GRID2IP: variants seen among roughly 807,000 people sequenced by gnomAD.
The protein encoded by GRID2IP is delphilin.
A neutral mutation model predicts 114.3 loss-of-function variants in GRID2IP; 78 were observed. That is an observed-to-expected ratio of 0.68 (90% confidence interval 0.57 to 0.82). The LOEUF is 0.82. Ranked by LOEUF, GRID2IP falls within the 40% of genes least tolerant of loss-of-function variation. The probability of loss-of-function intolerance (pLI) is 0.00; values close to 1 mark genes in which losing one functional copy is unlikely to be tolerated. For missense variants in GRID2IP, 1,727 were observed against 1,678.5 expected (o/e 1.03, Z -0.51); for synonymous variants, 809 against 724.0 (o/e 1.12, Z -1.89).
Position 6,505,857 on chromosome 7 carries a change from G to A in GRID2IP, c.2595C>T (p.Leu865=), listed in dbSNP as rs942496143. ...YDKLSDMVKY[L]DLELHFGTQK... is the part of the protein sequence containing the mutation. ...GGGTGCCGAAGTGGAGCTCCAGGTCGAGGTATTTCACCATGTCACTCAGCT... is the reference window on the plus strand; with the variant it reads ...GGGTGCCGAAGTGGAGCTCCAGGTCAAGGTATTTCACCATGTCACTCAGCT... Residue 865 remains leucine, a synonymous_variant, in exon 14 of 22, where the codon CTC becomes CTT. Coordinates refer to ENST00000457091, the MANE Select transcript of GRID2IP (RefSeq NM_001145118.2). 3.2e-6 allele frequency: 5 copies of A among 1,551,988 alleles called. No homozygotes were observed. The South Asian group carries it at 4.8e-5, about 15-fold the overall frequency.
chr7:6,521,825 G>T lies in GRID2IP; in HGVS notation c.989+63C>A. ...CACAGCCTGGGTGCCCCAAGAGGCAGGAGTCTTGCAGGGGGTGGGGGCAGC... is the reference window on the plus strand; with the variant it reads ...CACAGCCTGGGTGCCCCAAGAGGCATGAGTCTTGCAGGGGGTGGGGGCAGC... On this transcript the variant is annotated intron_variant, in intron 5 of 21. Transcript: ENST00000457091. This position sits in a 1 kb window ranked among gnomAD's most constrained non-coding sequence, Gnocchi z 4.1. 8.0e-7 allele frequency: 1 copy of T among 1,256,056 alleles called. No homozygotes were observed. Among genetic ancestry groups the T allele is most frequent in the South Asian group, 1.3e-5 (1 of 77,366 alleles). 77.8% of individuals were successfully genotyped at this position (1,256,056 alleles called of 1,614,324 possible).
At chr7:6,535,076 G>C (rs1356217109) in intron 2 of GRID2IP, among the ~76,000 whole-genome samples, 1 of 152,174 alleles carries the variant, frequency 6.6e-6, no homozygotes, top group Non-Finnish European at 1.5e-5. Flanking sequence ...GTAGTGACAG[G>C]GTTTCTCCAT....
intron 1 of GRID2IP, among the ~76,000 whole-genome samples, chr7:6,543,958 G>A (rs1436694425): frequency 2.0e-5 from 3 of 151,656 alleles, no homozygotes; most frequent in African/African-American, 7.3e-5. Flanking sequence ...CACCACGCCC[G>A]GCTCATTTTG....
At chr7:6,525,860 G>A (rs1466073020) in intron 4 of GRID2IP, among the ~76,000 whole-genome samples, 1 of 152,152 alleles carries the variant, frequency 6.6e-6, no homozygotes, top group African/African-American at 2.4e-5. Flanking sequence ...GTAGGCAGCA[G>A]CTCAGTCCTG....
intron 1 of GRID2IP, among the ~76,000 whole-genome samples, chr7:6,541,760 G>C (rs1779818350): frequency 6.6e-6 from 1 of 152,148 alleles, no homozygotes; most frequent in Non-Finnish European, 1.5e-5. Context: ...GTTTCTGGAA[G>C]GCAGGTTGTT....
At position 6,523,362 on chromosome 7, in the gene GRID2IP, C is replaced by T. The variant is rs1779449366; in HGVS notation, c.920-1405G>A. On this transcript the variant is annotated intron_variant, in intron 4 of 21. Transcript: ENST00000457091. The surrounding 1 kb of genome is among the most constrained non-coding windows in gnomAD (Gnocchi z 4.5). ...TGGCCTGCCTGGAATGGTGGGACAG[C>T]TAGAGAGGTTGTCGCAGGGGATCAA... Among the ~76,000 whole-genome samples the T allele has an allele frequency of 6.6e-6, 1 of 151,968 alleles. No homozygotes were observed. Among genetic ancestry groups the T allele is most frequent in the Admixed American group, 6.6e-5 (1 of 15,232 alleles).
intron 20 of GRID2IP, among the ~76,000 whole-genome samples, chr7:6,498,484 C>T (rs1251320858): frequency 6.6e-6 from 1 of 152,082 alleles, no homozygotes; most frequent in East Asian, 1.9e-4. Context: ...AGGGCCAGGC[C>T]CTGGGTCTCT....
chr7:6,531,001 C>T, intron 2 of GRID2IP: 1 of 634,288 alleles, frequency 1.6e-6, no homozygotes, highest in Non-Finnish European at 2.8e-6. Context: ...TCAGACCAGC[C>T]CGAGGCGGAT....
chr7:6,502,353 T>G (rs1048259903), intron 18 of GRID2IP, among the ~76,000 whole-genome samples: 1 of 152,132 alleles, frequency 6.6e-6, no homozygotes, highest in Non-Finnish European at 1.5e-5. Flanking sequence ...GTCTCCCAAG[T>G]AGCTTGGACT....
Position 6,519,609 on chromosome 7 carries a change from T to C in GRID2IP, c.1268+969A>G, listed in dbSNP as rs946228951. On this transcript the variant is annotated intron_variant, in intron 7 of 21. Coordinates refer to ENST00000457091, the MANE Select transcript of GRID2IP (RefSeq NM_001145118.2). This position sits in a 1 kb window ranked among gnomAD's most constrained non-coding sequence, Gnocchi z 4.1. Reference sequence around the variant, plus strand: ...CCTATCTCTACTAAAAGTACAAAATTAGCCAGGCGTGGTGGCATATGCCTG... The same window carrying C: ...CCTATCTCTACTAAAAGTACAAAATCAGCCAGGCGTGGTGGCATATGCCTG... Among the ~76,000 whole-genome samples, 1 of 151,626 alleles carries C rather than the reference T, an allele frequency of 6.6e-6. No homozygotes were observed. Among genetic ancestry groups the C allele is most frequent in the African/African-American group, 2.4e-5 (1 of 41,266 alleles).
Position 6,503,083 on chromosome 7 carries a change from G to C in GRID2IP, c.2988C>G (p.Ile996Met). The C allele has an allele frequency of 1.3e-6, 2 of 1,551,468 alleles. No homozygotes were observed. The highest frequency in any genetic ancestry group is 8.7e-7 in the Non-Finnish European group (1 of 1,146,892). ...GGCGCAAGCATTCAAGGCTGCCTCGGATCTCCTCTGTCTTCTCCTGGAGGG... is the reference window on the plus strand; with the variant it reads ...GGCGCAAGCATTCAAGGCTGCCTCGCATCTCCTCTGTCTTCTCCTGGAGGG... The part of the protein sequence containing the change: ...QATLQEKTEE[I>M]RGSLECLRQA... The change falls in exon 17 of 22, where the codon ATC becomes ATG. Residue 996 changes from isoleucine (I) to methionine (M), a missense_variant. Physicochemically the swap from Ile to Met is conservative, Grantham distance 10. Transcript: ENST00000457091.
At position 6,521,590 on chromosome 7, in the gene GRID2IP, C is replaced by G; in HGVS notation, c.990-67G>C. ...GCCCTGTCCACGGCCACCAGCCAGA[C>G]CTCCCTGTCCTGCCCACAGAGGTCA... On this transcript the variant is annotated intron_variant, in intron 5 of 21. Coordinates refer to ENST00000457091, the MANE Select transcript of GRID2IP (RefSeq NM_001145118.2). The surrounding 1 kb of genome is among the most constrained non-coding windows in gnomAD (Gnocchi z 4.1). 8.7e-7 allele frequency: 1 copy of G among 1,151,188 alleles called. No homozygotes were observed. Among genetic ancestry groups the G allele is most frequent in the South Asian group, 1.5e-5 (1 of 65,388 alleles). 71.3% of individuals were successfully genotyped at this position (1,151,188 alleles called of 1,614,324 possible).
chr7:6,513,687 G>A (rs746975390), intron 8 of GRID2IP, among the ~76,000 whole-genome samples: 2 of 152,182 alleles, frequency 1.3e-5, no homozygotes, highest in East Asian at 1.9e-4. Flanking sequence ...CTGGGAAGGC[G>A]CGTCCGTGGG....
chr7:6,525,923 G>C (rs1779501091), intron 4 of GRID2IP, among the ~76,000 whole-genome samples: 1 of 152,158 alleles, frequency 6.6e-6, no homozygotes, highest in South Asian at 2.1e-4. Context: ...ACACAGGAAA[G>C]GTCTGGATGC....
At position 6,501,847 on chromosome 7, in the gene GRID2IP, G is replaced by A. The variant is rs371034335; in HGVS notation, c.3333C>T (p.Ser1111=). Residue 1111 remains serine, a synonymous_variant, in exon 20 of 22, where the codon AGC becomes AGT. Coordinates refer to ENST00000457091, the MANE Select transcript of GRID2IP (RefSeq NM_001145118.2). The stretch of plus-strand genomic sequence containing the variant: ...TGCTCTGGCAGGCATCCTGTATCTC[G>A]CTGATAGTGCCATGGAGGTCAGCCA... ...SDLADLHGTI[S]EIQDACQSIS... is the part of the protein sequence containing the mutation. 3.3e-5 allele frequency: 51 copies of A among 1,551,382 alleles called. No individual in the cohort carries two copies. In the African/African-American group the frequency reaches 3.6e-4, roughly 11 times the overall value.
chr7:6,504,268 T>G, intron 15 of GRID2IP, among the ~76,000 whole-genome samples: 1 of 131,576 alleles, frequency 7.6e-6, no homozygotes, highest in Admixed American at 7.5e-5. Context: ...GCTGGTTGAG[T>G]TCGAGCGGGG....
chr7:6,514,288 TG>T, intron 8 of GRID2IP, 86 bp downstream of exon 8: 5 of 1,174,180 alleles, frequency 4.3e-6, no homozygotes, highest in Non-Finnish European at 5.7e-6. Flanking sequence ...CACCTTCACA[TG>T]TGAGAACAGG....
At chr7:6,525,763 T>C (rs1779498102) in intron 4 of GRID2IP, among the ~76,000 whole-genome samples, 1 of 152,176 alleles carries the variant, frequency 6.6e-6, no homozygotes, top group Non-Finnish European at 1.5e-5. Context: ...TGAGGCCCTT[T>C]TGGCTGTCTG....
intron 7 of GRID2IP, among the ~76,000 whole-genome samples, chr7:6,517,031 TTCTA>T (rs1779318856): frequency 1.3e-5 from 2 of 151,822 alleles, no homozygotes; most frequent in Non-Finnish European, 2.9e-5. Context: ...CTGTCTTTTC[TTCTA>T]TCTCTTTGTC....
Sources: allele counts gnomAD v4.1 joint callset (sites outside exome capture counted in the v4.1 genomes callset), GRCh38; gene constraint gnomAD v4.1.1; non-coding constraint Gnocchi (gnomAD v3.1); transcripts MANE v1.5; gene names NCBI Gene and HGNC (gene_info 2026-07-23, HGNC 2026-07-21).